The following CFAP299 variants were observed in gnomAD, a reference collection of about 807,000 sequenced individuals.
CFAP299 encodes the protein cilia- and flagella-associated protein 299.
In CFAP299, 21 loss-of-function variants were observed where a neutral mutation model predicts 27.0. The ratio of observed to expected loss-of-function variants is 0.78; its 90% CI spans 0.55 to 1.12. The LOEUF (loss-of-function observed/expected upper bound fraction) is 1.12, where lower values mean the gene tolerates loss of function less well. Ranked by LOEUF, CFAP299 falls within the 50% of genes most tolerant of loss-of-function variation. The pLI is 0.00. For missense variants in CFAP299, 310 were observed against 276.6 expected (o/e 1.12, Z -0.86); for synonymous variants, 104 against 98.1 (o/e 1.06, Z -0.36).
At chr4:80,565,854 GT>G (rs1394582328) in intron 2 of CFAP299, among the ~76,000 whole-genome samples, 1 of 152,026 alleles carries the variant, frequency 6.6e-6, no homozygotes, top group Non-Finnish European at 1.5e-5. Flanking sequence ...TTATGTTGGG[GT>G]TTTTGAACCT....
At chr4:80,539,316 C>T (rs967006437) in intron 2 of CFAP299, among the ~76,000 whole-genome samples, 3 of 152,132 alleles carry the variant, frequency 2.0e-5, no homozygotes, top group Non-Finnish European at 4.4e-5. Flanking sequence ...TTACATTTCC[C>T]AGGAGAAGGG....
chr4:80,585,244 C>A (rs1341556163), intron 3 of CFAP299, among the ~76,000 whole-genome samples: 1 of 152,032 alleles, frequency 6.6e-6, no homozygotes, highest in African/African-American at 2.4e-5. Flanking sequence ...TACTGCCACT[C>A]TGAAATGTAG....
chr4:80,470,233 A>G (rs1230351966), intron 2 of CFAP299, among the ~76,000 whole-genome samples: 1 of 152,210 alleles, frequency 6.6e-6, no homozygotes, highest in Admixed American at 6.5e-5. Flanking sequence ...GTGAAAATGT[A>G]TGTAAAAATG....
chr4:80,337,848 A>C (rs1418502546), intron 1 of CFAP299, among the ~76,000 whole-genome samples: 2 of 152,192 alleles, frequency 1.3e-5, no homozygotes, highest in Non-Finnish European at 2.9e-5. Context: ...TAGTTGAATA[A>C]TGATAATTAG....
intron 2 of CFAP299, among the ~76,000 whole-genome samples, chr4:80,481,744 C>A (rs1560587123): frequency 6.6e-6 from 1 of 152,144 alleles, no homozygotes; most frequent in Non-Finnish European, 1.5e-5. Flanking sequence ...GCTATCCCTA[C>A]TTCTAATCCT....
intron 3 of CFAP299, among the ~76,000 whole-genome samples, chr4:80,823,023 A>G (rs1729790385): frequency 6.6e-6 from 1 of 152,210 alleles, no homozygotes; most frequent in Non-Finnish European, 1.5e-5. Context: ...CACCAGCTGC[A>G]TTTTAAGCAG....
chr4:80,896,723 C>A (rs1487583152), intron 4 of CFAP299, among the ~76,000 whole-genome samples: 1 of 152,090 alleles, frequency 6.6e-6, no homozygotes, highest in Non-Finnish European at 1.5e-5. Flanking sequence ...TTTACACAAC[C>A]AAGCATTATG....
intron 4 of CFAP299, among the ~76,000 whole-genome samples, chr4:80,943,035 T>C (rs1455858814): frequency 6.6e-6 from 1 of 152,224 alleles, no homozygotes. Context: ...GCTGAGCCTG[T>C]CATCTTAAAC....
chr4:80,807,349 G>T (rs1241190918), intron 3 of CFAP299, among the ~76,000 whole-genome samples: 1 of 151,954 alleles, frequency 6.6e-6, no homozygotes, highest in African/African-American at 2.4e-5. Flanking sequence ...CACAACGTCG[G>T]AATACATTGT....
At chr4:80,487,090 A>G (rs1730856997) in intron 2 of CFAP299, among the ~76,000 whole-genome samples, 1 of 152,198 alleles carries the variant, frequency 6.6e-6, no homozygotes, top group South Asian at 2.1e-4. Context: ...TATTTAAAAT[A>G]CCTTAACAAT....
chr4:80,870,832 C>A, intron 4 of CFAP299: 1 of 984,914 alleles, frequency 1.0e-6, no homozygotes, highest in Middle Eastern at 5.2e-4. Context: ...CAATACCTAC[C>A]TCCTCTGAGA....
At chr4:80,576,223 C>A (rs1735860109) in intron 2 of CFAP299, among the ~76,000 whole-genome samples, 1 of 147,530 alleles carries the variant, frequency 6.8e-6, no homozygotes, top group Non-Finnish European at 1.5e-5. Flanking sequence ...TATATAAAAT[C>A]TCTTTCTTAG....
At chr4:80,592,748 A>AGT (rs2109888061) in intron 3 of CFAP299, among the ~76,000 whole-genome samples, 2 of 152,312 alleles carry the variant, frequency 1.3e-5, no homozygotes, top group African/African-American at 4.8e-5. Context: ...AAAACACTGA[A>AGT]GTAATATGTA....
At chr4:80,808,693 T>G (rs1728988711) in intron 3 of CFAP299, among the ~76,000 whole-genome samples, 1 of 152,132 alleles carries the variant, frequency 6.6e-6, no homozygotes, top group South Asian at 2.1e-4. Context: ...CTGCACATGT[T>G]AGGCATTAAC....
intron 2 of CFAP299, among the ~76,000 whole-genome samples, chr4:80,479,610 A>G (rs534753659): frequency 2.6e-5 from 4 of 152,138 alleles, no homozygotes; most frequent in African/African-American, 9.6e-5. Context: ...AACATTTGCA[A>G]CAGACTGATA....
chr4:80,598,251 G>T (rs1373356873), intron 3 of CFAP299, among the ~76,000 whole-genome samples: 2 of 152,176 alleles, frequency 1.3e-5, no homozygotes, highest in African/African-American at 4.8e-5. Flanking sequence ...ACTTAGTTCT[G>T]TGCTACAGGC....
intron 2 of CFAP299, among the ~76,000 whole-genome samples, chr4:80,384,102 G>C (rs1270622823): frequency 6.6e-6 from 1 of 151,940 alleles, no homozygotes; most frequent in Non-Finnish European, 1.5e-5. Flanking sequence ...CTTCCTCCCA[G>C]CATTGTTTTC....
intron 5 of CFAP299, among the ~76,000 whole-genome samples, chr4:80,953,791 G>A (rs1420935130): frequency 1.3e-5 from 2 of 152,060 alleles, no homozygotes; most frequent in South Asian, 2.1e-4. Flanking sequence ...ATATGTCAAT[G>A]TTTAGTAATA....
At chr4:80,435,538 C>A (rs1728025146) in intron 2 of CFAP299, among the ~76,000 whole-genome samples, 1 of 152,166 alleles carries the variant, frequency 6.6e-6, no homozygotes, top group Non-Finnish European at 1.5e-5. Context: ...TCTGGGCTGC[C>A]AAACTTGGAC....
Sources: allele counts gnomAD v4.1 joint callset (sites outside exome capture counted in the v4.1 genomes callset), GRCh38; gene constraint gnomAD v4.1.1; transcripts MANE v1.5; gene names NCBI Gene and HGNC (gene_info 2026-07-23, HGNC 2026-07-21).